GRAMD1B: variants seen among roughly 807,000 people sequenced by gnomAD.
GRAMD1B encodes the protein protein Aster-B.
Under a neutral mutation model 99.7 loss-of-function variants are expected in GRAMD1B, and 37 were observed. The observed-to-expected ratio is 0.37, with a 90% CI of 0.29 to 0.49. The LOEUF is 0.49. Among genes scored for constraint, GRAMD1B ranks in the 20% least tolerant of loss-of-function variants. The pLI, the probability that GRAMD1B is intolerant of heterozygous loss-of-function variation, is 0.98. For missense variants in GRAMD1B, 888 were observed against 1,009.2 expected (o/e 0.88, Z 1.63); for synonymous variants, 427 against 387.6 (o/e 1.10, Z -1.19).
intron 1 of GRAMD1B, among the ~76,000 whole-genome samples, chr11:123,405,517 C>T (rs751699181): frequency 5.3e-5 from 8 of 152,272 alleles, no homozygotes; most frequent in South Asian, 2.1e-4. Flanking sequence ...AAGGCTGCTG[C>T]GGATAACTTG....
intron 4 of GRAMD1B, among the ~76,000 whole-genome samples, chr11:123,589,614 T>TTATACATATATATATATATATATA (rs1555089175): frequency 5.5e-5 from 7 of 128,278 alleles, no homozygotes; most frequent in African/African-American, 2.1e-4. Context: ...TGGCTAATTT[T>TTATACATATATATATATATATATA]TATATATATA....
chr11:123,469,529 A>T (rs1950880285), intron 1 of GRAMD1B, among the ~76,000 whole-genome samples: 1 of 152,156 alleles, frequency 6.6e-6, no homozygotes, highest in African/African-American at 2.4e-5. Context: ...TCTAGTTCAT[A>T]TGAATCTTTA....
At position 123,592,031 on chromosome 11, in the gene GRAMD1B, G is replaced by A. The variant is rs935922935; in HGVS notation, c.685-2051G>A. On this transcript the variant is annotated intron_variant, in intron 4 of 19. Transcript: ENST00000635736. The stretch of plus-strand genomic sequence containing the variant: ...ATTACTGGATATGTGAGAAGCAAGG[G>A]GGAGAAGGCACTAGGACAGGAAATT... Among the ~76,000 whole-genome samples, 5 of 152,178 alleles carry A rather than the reference G, an allele frequency of 3.3e-5. No homozygotes were observed. In the East Asian group the frequency reaches 5.8e-4, roughly 18 times the overall value.
chr11:123,432,230 G>A, intron 1 of GRAMD1B: 2 of 392,114 alleles, frequency 5.1e-6, no homozygotes, highest in Admixed American at 8.9e-5. Flanking sequence ...AGGGGTTGTA[G>A]AGGCTGAGAA....
chr11:123,504,177 G>T (rs1940184254), intron 2 of GRAMD1B, among the ~76,000 whole-genome samples: 1 of 152,136 alleles, frequency 6.6e-6, no homozygotes. Context: ...GGCCTATCAT[G>T]TTTTTCCCTG....
chr11:123,521,132 C>T (rs1305159907), intron 2 of GRAMD1B, among the ~76,000 whole-genome samples: 1 of 152,196 alleles, frequency 6.6e-6, no homozygotes, highest in Non-Finnish European at 1.5e-5. Context: ...AATCATCCAA[C>T]TTTATTACAT....
intron 1 of GRAMD1B, among the ~76,000 whole-genome samples, chr11:123,463,562 C>T (rs1950534701): frequency 6.6e-6 from 1 of 152,226 alleles, no homozygotes; most frequent in African/African-American, 2.4e-5. Flanking sequence ...CTCTCCACCA[C>T]ACGGGCAGAG....
chr11:123,516,282 GC>G (rs1319665938), intron 2 of GRAMD1B, among the ~76,000 whole-genome samples: 1 of 152,200 alleles, frequency 6.6e-6, no homozygotes, highest in East Asian at 1.9e-4. Flanking sequence ...CTCATGATAT[GC>G]CAGTCTCATG....
chr11:123,426,296 C>A (rs1367286398), upstream of GRAMD1B, among the ~76,000 whole-genome samples: 1 of 152,152 alleles, frequency 6.6e-6, no homozygotes, highest in Non-Finnish European at 1.5e-5. Flanking sequence ...CATTCTCTAC[C>A]CAGTCTTAGT....
intron 5 of GRAMD1B, among the ~76,000 whole-genome samples, chr11:123,594,439 G>A (rs1191721326): frequency 6.6e-6 from 1 of 152,224 alleles, no homozygotes; most frequent in South Asian, 2.1e-4. Flanking sequence ...TTGTGGACTG[G>A]GGAGGGAAGT....
chr11:123,388,129 CAAAAA>C (rs34085785), intron 1 of GRAMD1B, among the ~76,000 whole-genome samples: 1 of 71,502 alleles, frequency 1.4e-5, no homozygotes, highest in Admixed American at 1.7e-4. Context: ...TCCTCCTCCT[CAAAAA>C]AAAAAAAAAA....
chr11:123,584,287 C>T (rs1481929802), intron 3 of GRAMD1B, 25 bp from the exon 4 acceptor site: 2 of 918,534 alleles, frequency 2.2e-6, no homozygotes, highest in South Asian at 1.6e-5. Flanking sequence ...CTAATTCTAC[C>T]TTCTCTTTCA....
chr11:123,464,323 G>T (rs1950567121), intron 1 of GRAMD1B, among the ~76,000 whole-genome samples: 1 of 151,796 alleles, frequency 6.6e-6, no homozygotes, highest in African/African-American at 2.4e-5. Context: ...TAGTAATAAT[G>T]ATAATAATAA....
In GRAMD1B at chr11:123,434,932, C is replaced by T. The variant is rs1345862564; in HGVS notation, c.374+3766C>T. Among the ~76,000 whole-genome samples, 4 of 152,228 alleles carry T rather than the reference C, an allele frequency of 2.6e-5. No individual in the cohort carries two copies. In the East Asian group the frequency reaches 5.8e-4, roughly 22 times the overall value. ...CATTTCACTTTACCTCCATGAGTTTCACCTTCTTCATTTGTGGAAGAGGAT... is the reference window on the plus strand; with the variant it reads ...CATTTCACTTTACCTCCATGAGTTTTACCTTCTTCATTTGTGGAAGAGGAT... On this transcript the variant is annotated intron_variant, in intron 1 of 19. Transcript: ENST00000635736.
intron 1 of GRAMD1B, among the ~76,000 whole-genome samples, chr11:123,419,071 G>C (rs572055851): frequency 6.6e-6 from 1 of 152,324 alleles, no homozygotes; most frequent in Admixed American, 6.5e-5. Flanking sequence ...TTTTATGCTA[G>C]TGAAGATTGA....
intron 1 of GRAMD1B, among the ~76,000 whole-genome samples, chr11:123,408,929 C>A (rs1947946836): frequency 6.6e-6 from 1 of 151,474 alleles, no homozygotes; most frequent in South Asian, 2.1e-4. Flanking sequence ...AGTACAATAT[C>A]TATTGTTTCA....
chr11:123,465,815 G>A (rs1180645267), intron 1 of GRAMD1B, among the ~76,000 whole-genome samples: 5 of 151,926 alleles, frequency 3.3e-5, no homozygotes, highest in Non-Finnish European at 1.5e-5. Flanking sequence ...TATTGTTTGA[G>A]GGTTCTTGGT....
intron 2 of GRAMD1B, among the ~76,000 whole-genome samples, chr11:123,531,730 G>GTTTTTTTTT (rs57528529): frequency 1.3e-5 from 1 of 78,082 alleles, no homozygotes; most frequent in African/African-American, 4.3e-5. Flanking sequence ...TTGCTAGATG[G>GTTTTTTTTT]TTTTTTTTTT....
intron 17 of GRAMD1B, among the ~76,000 whole-genome samples, chr11:123,615,733 G>A (rs150599086): frequency 7.0e-4 from 106 of 152,354 alleles, no homozygotes; most frequent in South Asian, 5.0e-3. Flanking sequence ...CCAGGAAGAG[G>A]TGACAGATTT....
Sources: allele counts gnomAD v4.1 joint callset (sites outside exome capture counted in the v4.1 genomes callset), GRCh38; gene constraint gnomAD v4.1.1; transcripts MANE v1.5; gene names NCBI Gene and HGNC (gene_info 2026-07-23, HGNC 2026-07-21).